The following MDM1 variants were observed in gnomAD, a reference collection of about 807,000 sequenced individuals.
The protein encoded by MDM1 is stabilizer of axonemal microtubules 6, also known as Mdm1 nuclear protein.
Under a neutral mutation model 89.1 loss-of-function variants are expected in MDM1, and 61 were observed. That is an observed-to-expected ratio of 0.68 (90% confidence interval 0.56 to 0.85). MDM1 has a LOEUF of 0.85. Ranked by LOEUF, MDM1 falls within the 40% of genes least tolerant of loss-of-function variation. MDM1 has a pLI of 0.00. For missense variants in MDM1, 820 were observed against 846.5 expected, an observed-to-expected ratio of 0.97 and a Z score of 0.39; for synonymous variants, 290 against 294.1, an observed-to-expected ratio of 0.99 and a Z score of 0.14.
At chr12:68,316,443 C>T in intron 8 of MDM1, 138 bp downstream of exon 8, 2 of 932,410 alleles carry the variant, frequency 2.1e-6, no homozygotes, top group Non-Finnish European at 1.6e-6. Context: ...AAGCATGATG[C>T]AGTTATTTTA....
intron 12 of MDM1, among the ~76,000 whole-genome samples, chr12:68,303,556 T>C (rs1872509470): frequency 1.3e-5 from 2 of 152,336 alleles, no homozygotes; most frequent in African/African-American, 4.8e-5. Flanking sequence ...GATGGATTTC[T>C]TTACAGTATT....
At chr12:68,326,608 C>T in intron 3 of MDM1, 49 bp downstream of exon 3, 1 of 1,613,942 alleles carries the variant, frequency 6.2e-7, no homozygotes, top group Non-Finnish European at 8.5e-7. Flanking sequence ...ACAATGAAAC[C>T]AATGAAGAAT....
At chr12:68,323,775 C>T (rs1875571209) in intron 4 of MDM1, among the ~76,000 whole-genome samples, 2 of 152,158 alleles carry the variant, frequency 1.3e-5, no homozygotes, top group Non-Finnish European at 2.9e-5. Flanking sequence ...GGCATATTAC[C>T]ACTGATTACA....
intron 12 of MDM1, among the ~76,000 whole-genome samples, chr12:68,305,039 T>C (rs1037314183): frequency 6.6e-6 from 1 of 152,232 alleles, no homozygotes; most frequent in African/African-American, 2.4e-5. Context: ...TCTTTTTTTG[T>C]TGTTGTGTCC....
chr12:68,331,330 A>G (rs904918298), intron 1 of MDM1, 109 bp from the exon 2 acceptor site: 10 of 728,506 alleles, frequency 1.4e-5, no homozygotes, highest in Non-Finnish European at 2.5e-5. Context: ...CTTAAGACTG[A>G]AAATTAAACA....
At chr12:68,329,435 C>T (rs559796525) in intron 2 of MDM1, among the ~76,000 whole-genome samples, 6 of 152,312 alleles carry the variant, frequency 3.9e-5, no homozygotes, top group Admixed American at 6.5e-5. Flanking sequence ...ATTTATGTGA[C>T]TTACATGCCA....
At chr12:68,326,095 A>T in intron 3 of MDM1, 1 of 1,002,394 alleles carries the variant, frequency 1.0e-6, no homozygotes, top group Non-Finnish European at 1.2e-6. Flanking sequence ...ATGGAGAAAG[A>T]AATGTGGAAA....
intron 12 of MDM1, among the ~76,000 whole-genome samples, chr12:68,306,417 G>GACTTTTGCACAGCAAAAGAA (rs1451334606): frequency 1.3e-5 from 2 of 151,924 alleles, no homozygotes; most frequent in Admixed American, 1.3e-4. Flanking sequence ...TGACAATTGG[G>GACTTTTGCACAGCAAAAGAA]ACTTTTGCAC....
chr12:68,313,349 A>G, intron 12 of MDM1, 94 bp downstream of exon 12: 1 of 906,116 alleles, frequency 1.1e-6, no homozygotes, highest in Non-Finnish European at 1.7e-6. Flanking sequence ...TGATAGCCAC[A>G]ATTCTCTAAA....
chr12:68,320,695 G>A (rs1259333662), intron 7 of MDM1, among the ~76,000 whole-genome samples: 1 of 152,138 alleles, frequency 6.6e-6, no homozygotes, highest in Non-Finnish European at 1.5e-5. Flanking sequence ...AATTTAGCTT[G>A]TTCTCACAGA....
chr12:68,297,031 A>G, intron 13 of MDM1, 49 bp from the exon 14 acceptor site: 1 of 1,394,460 alleles, frequency 7.2e-7, no homozygotes, highest in Non-Finnish European at 9.8e-7. Flanking sequence ...GCCACTGAAC[A>G]GCTTATCTCA....
At chr12:68,301,723 C>T (rs944973798) in intron 13 of MDM1, among the ~76,000 whole-genome samples, 2 of 151,896 alleles carry the variant, frequency 1.3e-5, no homozygotes, top group African/African-American at 4.8e-5. Flanking sequence ...GAATAGGAGC[C>T]CTAGAAAGAG....
At chr12:68,325,348 G>A (rs1444793091) in intron 4 of MDM1, 93 bp downstream of exon 4, 2 of 1,384,160 alleles carry the variant, frequency 1.4e-6, no homozygotes, top group Admixed American at 5.8e-5. Context: ...GGCTACTTAA[G>A]TACTTAATTT....
At chr12:68,316,467 G>A in intron 8 of MDM1, 114 bp downstream of exon 8, 4 of 995,768 alleles carry the variant, frequency 4.0e-6, no homozygotes, top group South Asian at 1.5e-5. Context: ...CAGACCAGCA[G>A]GCAGGGAGAA....
intron 12 of MDM1, among the ~76,000 whole-genome samples, chr12:68,303,877 T>C (rs1872544166): frequency 6.6e-6 from 1 of 152,234 alleles, no homozygotes; most frequent in African/African-American, 2.4e-5. Context: ...GTTTGGTCAG[T>C]ATTTGCTGTT....
intron 2 of MDM1, among the ~76,000 whole-genome samples, chr12:68,329,326 T>C (rs1053132401): frequency 6.6e-6 from 1 of 152,222 alleles, no homozygotes; most frequent in East Asian, 1.9e-4. Flanking sequence ...CTCTTCCCTT[T>C]GTTCTCTAGA....
chr12:68,297,430 A>G (rs1410755523), intron 13 of MDM1, among the ~76,000 whole-genome samples: 3 of 152,378 alleles, frequency 2.0e-5, no homozygotes, highest in African/African-American at 7.2e-5. Flanking sequence ...CAGTGAGTGT[A>G]TAACTATACC....
intron 2 of MDM1, 53 bp downstream of exon 2, chr12:68,331,054 C>A: frequency 9.5e-7 from 1 of 1,057,780 alleles, no homozygotes; most frequent in South Asian, 1.3e-5. Flanking sequence ...ACGGCTTGGC[C>A]CAAGTTATAA....
intron 10 of MDM1, among the ~76,000 whole-genome samples, chr12:68,314,453 A>G (rs1413031040): frequency 6.6e-6 from 1 of 152,216 alleles, no homozygotes; most frequent in African/African-American, 2.4e-5. Context: ...GAATGAATAA[A>G]GGATTTAGAT....
Sources: gnomAD v4.1 joint callset for allele counts (sites outside exome capture counted in the v4.1 genomes callset) on GRCh38, gnomAD v4.1.1 for gene constraint, MANE v1.5 for transcripts, NCBI Gene and HGNC (gene_info 2026-07-23, HGNC 2026-07-21) for gene names.